LINGO2: variants seen among roughly 807,000 people sequenced by gnomAD.
LINGO2 encodes the protein leucine rich repeat and Ig domain containing 2.
In LINGO2, 14 loss-of-function variants were observed where a neutral mutation model predicts 30.6. The ratio of observed to expected loss-of-function variants is 0.46; its 90% CI spans 0.30 to 0.72. LINGO2 has a LOEUF of 0.72. Ranked by LOEUF, LINGO2 falls within the 30% of genes least tolerant of loss-of-function variation. LINGO2 has a pLI of 0.07. For synonymous variants in LINGO2, 317 were observed against 288.5 expected (o/e 1.10, Z -1.00); for missense variants, 729 against 751.7 (o/e 0.97, Z 0.35).
chr9:29,135,094 T>G, the LINGO2 span, among the ~76,000 whole-genome samples: 29,128 of 152,136 alleles, frequency 0.19, 2,968 homozygotes, highest in East Asian at 0.37. Flanking sequence ...TTTGCTTATA[T>G]TGTCTGCTTT....
chr9:28,464,141 A>C (rs183190879), intron 2 of LINGO2, among the ~76,000 whole-genome samples: 3 of 152,328 alleles, frequency 2.0e-5, no homozygotes, highest in Admixed American at 2.0e-4. Context: ...TTATTTCATA[A>C]TACAATATTT....
chr9:29,129,153 T>C, the LINGO2 span, among the ~76,000 whole-genome samples: 2 of 152,254 alleles, frequency 1.3e-5, no homozygotes, highest in Non-Finnish European at 2.9e-5. Flanking sequence ...TTTAATGTTG[T>C]TAGCTGAGTC....
chr9:28,622,332 C>A (rs1457901468), intron 1 of LINGO2, among the ~76,000 whole-genome samples: 1 of 151,772 alleles, frequency 6.6e-6, no homozygotes, highest in African/African-American at 2.4e-5. Flanking sequence ...TGGTAACCAT[C>A]CTTCTACTCT....
chr9:28,389,299 AT>A (rs1821729503), intron 2 of LINGO2, among the ~76,000 whole-genome samples: 1 of 152,166 alleles, frequency 6.6e-6, no homozygotes, highest in Non-Finnish European at 1.5e-5. Flanking sequence ...AGGAAGAGCT[AT>A]GTTATAAAGA....
the LINGO2 span, among the ~76,000 whole-genome samples, chr9:29,196,951 A>C: frequency 6.6e-6 from 1 of 151,994 alleles, no homozygotes; most frequent in Admixed American, 6.6e-5. Flanking sequence ...AAGATATGTG[A>C]GGTATTCTCA....
chr9:28,687,121 T>G, the LINGO2 span, among the ~76,000 whole-genome samples: 9 of 152,094 alleles, frequency 5.9e-5, no homozygotes, highest in African/African-American at 2.2e-4. Flanking sequence ...ACAAACTATG[T>G]GTGGAAGTCA....
chr9:28,096,480 C>G lies in LINGO2; in HGVS notation c.-86-84075G>C, dbSNP rs563338668. Among the ~76,000 whole-genome samples the G allele has an allele frequency of 5.9e-5, 9 of 152,286 alleles. 1 individual carries two copies. In the South Asian group the frequency reaches 1.9e-3, roughly 32 times the overall value. The stretch of plus-strand genomic sequence containing the variant: ...TCCAAAATGGAAATTACTTATGTCA[C>G]TTCTTCTCACAATTCCTTGGCTAGA... On this transcript the variant is annotated intron_variant, in intron 4 of 5. Coordinates refer to ENST00000379992, the Ensembl canonical transcript of LINGO2.
At chr9:29,010,048 T>TA in the LINGO2 span, among the ~76,000 whole-genome samples, 3 of 152,142 alleles carry the variant, frequency 2.0e-5, no homozygotes, top group East Asian at 5.8e-4. Flanking sequence ...ATTAAATACT[T>TA]AAATGTTAGA....
At chr9:28,394,357 A>AT (rs112275765) in intron 2 of LINGO2, among the ~76,000 whole-genome samples, 3,595 of 152,062 alleles carry the variant, frequency 0.024, 148 homozygotes, top group African/African-American at 0.081. Context: ...GCAAATGGGG[A>AT]TTGTTTTTTC....
the LINGO2 span, among the ~76,000 whole-genome samples, chr9:28,917,723 C>A: frequency 0.73 from 111,101 of 151,568 alleles, 40,895 homozygotes; most frequent in Non-Finnish European, 0.78. Context: ...GATAGTTTTT[C>A]CTTTACATTA....
intron 5 of LINGO2, among the ~76,000 whole-genome samples, chr9:27,989,235 G>C (rs760700615): frequency 2.0e-5 from 3 of 151,826 alleles, no homozygotes; most frequent in Non-Finnish European, 2.9e-5. Flanking sequence ...ATCATCCTCT[G>C]CTAGTCTTCT....
chr9:28,401,468 A>T (rs1822262941), intron 2 of LINGO2, among the ~76,000 whole-genome samples: 1 of 152,126 alleles, frequency 6.6e-6, no homozygotes, highest in Non-Finnish European at 1.5e-5. Flanking sequence ...ACATGATCTC[A>T]TTCCTTTTTA....
At chr9:29,145,839 T>C in the LINGO2 span, among the ~76,000 whole-genome samples, 2 of 152,218 alleles carry the variant, frequency 1.3e-5, no homozygotes, top group Non-Finnish European at 2.9e-5. Flanking sequence ...GAATACATTT[T>C]AAATAATTGC....
intron 3 of LINGO2, among the ~76,000 whole-genome samples, chr9:28,355,505 A>G (rs2134473413): frequency 6.6e-6 from 1 of 151,950 alleles, no homozygotes; most frequent in East Asian, 1.9e-4. Flanking sequence ...GTTAGACACC[A>G]GCTAAAACAC....
chr9:29,076,172 C>T, the LINGO2 span, among the ~76,000 whole-genome samples: 4 of 151,968 alleles, frequency 2.6e-5, no homozygotes, highest in Non-Finnish European at 5.9e-5. Context: ...GCTACTAAAC[C>T]CAATCAAAAA....
the LINGO2 span, among the ~76,000 whole-genome samples, chr9:28,729,085 CTT>C: frequency 2.0e-5 from 3 of 152,148 alleles, no homozygotes; most frequent in Non-Finnish European, 4.4e-5. Flanking sequence ...TTAAGTATCT[CTT>C]TGAATATTCA....
chr9:28,324,829 G>T (rs1281266438), intron 3 of LINGO2, among the ~76,000 whole-genome samples: 1 of 152,094 alleles, frequency 6.6e-6, no homozygotes, highest in African/African-American at 2.4e-5. Flanking sequence ...AGCAGCCCAT[G>T]CCACTGCTCT....
At chr9:28,816,611 CT>C in the LINGO2 span, among the ~76,000 whole-genome samples, 1 of 152,096 alleles carries the variant, frequency 6.6e-6, no homozygotes, top group African/African-American at 2.4e-5. Flanking sequence ...GTCTGTGTCT[CT>C]ACTAATTTTA....
chr9:29,178,119 G>C, the LINGO2 span, among the ~76,000 whole-genome samples: 3 of 151,566 alleles, frequency 2.0e-5, no homozygotes, highest in South Asian at 4.2e-4. Context: ...GCAGTGGTGT[G>C]ATCTTGGCTC....
Sources: allele counts gnomAD v4.1 joint callset (sites outside exome capture counted in the v4.1 genomes callset), GRCh38; gene constraint gnomAD v4.1.1; transcripts MANE v1.5; gene names NCBI Gene and HGNC (gene_info 2026-07-23, HGNC 2026-07-21).